STK31: variants seen among roughly 807,000 people sequenced by gnomAD.
The protein encoded by STK31 is serine/threonine kinase 31.
A neutral mutation model predicts 129.7 loss-of-function variants in STK31; 89 were observed. The observed-to-expected ratio is 0.69, with a 90% CI of 0.58 to 0.82. The LOEUF is 0.82. STK31 is among the 40% of genes least tolerant of loss of function. The pLI, the probability that STK31 is intolerant of heterozygous loss-of-function variation, is 0.00. For synonymous variants in STK31, 448 were observed against 395.3 expected (o/e 1.13, Z -1.58); for missense variants, 1,187 against 1,176.4 (o/e 1.01, Z -0.13).
chr7:23,724,564 CTG>C (rs1222137000), intron 4 of STK31, among the ~76,000 whole-genome samples: 1 of 152,212 alleles, frequency 6.6e-6, no homozygotes, highest in Non-Finnish European at 1.5e-5. Flanking sequence ...CATTGCATAT[CTG>C]TCGCTTACCT....
chr7:23,724,984 C>T (rs1384688147), intron 4 of STK31, among the ~76,000 whole-genome samples: 2 of 152,268 alleles, frequency 1.3e-5, no homozygotes, highest in Non-Finnish European at 2.9e-5. Flanking sequence ...TAACTTAAAG[C>T]AGTATTCTTC....
At chr7:23,789,701 T>A (rs1791501999) in intron 21 of STK31, among the ~76,000 whole-genome samples, 1 of 152,120 alleles carries the variant, frequency 6.6e-6, no homozygotes, top group African/African-American at 2.4e-5. Context: ...ATAACTAAAT[T>A]ATGAATTTTG....
At chr7:23,786,708 G>A in intron 19 of STK31, 75 bp downstream of exon 19, 8 of 1,563,028 alleles carry the variant, frequency 5.1e-6, no homozygotes, top group Non-Finnish European at 6.9e-6. Flanking sequence ...ATAAATTTTA[G>A]CTCCAGGTTT....
chr7:23,710,179 T>TGGCGCAGCGCTGTGCACGCA, upstream of STK31: 2 of 1,580,760 alleles, frequency 1.3e-6, no homozygotes, highest in Non-Finnish European at 1.7e-6. Context: ...CACCGGATGA[T>TGGCGCAGCGCTGTGCACGCA]GGCGCAGCGC....
intron 8 of STK31, among the ~76,000 whole-genome samples, chr7:23,742,557 T>C (rs1183943628): frequency 6.6e-6 from 1 of 152,212 alleles, no homozygotes; most frequent in East Asian, 1.9e-4. Context: ...CCCTAGTGGA[T>C]CGAGGGTTTC....
At chr7:23,801,071 C>T (rs1481856419) in intron 22 of STK31, among the ~76,000 whole-genome samples, 1 of 152,034 alleles carries the variant, frequency 6.6e-6, no homozygotes, top group Non-Finnish European at 1.5e-5. Flanking sequence ...TGGTAATTAC[C>T]CAGGAGTGAA....
chr7:23,722,656 T>G (rs1786790107), intron 4 of STK31: 1 of 152,368 alleles, frequency 6.6e-6, no homozygotes, highest in South Asian at 2.1e-4. Flanking sequence ...TTCTGCTGCC[T>G]TTTGTTCAGC....
upstream of STK31, chr7:23,710,118 G>A (rs1244236797): frequency 9.9e-6 from 12 of 1,212,100 alleles, no homozygotes; most frequent in African/African-American, 6.0e-5. Flanking sequence ...GGCGGCTCCC[G>A]CACGCTTCTT....
chr7:23,733,680 G>A (rs911131337), intron 6 of STK31, among the ~76,000 whole-genome samples: 1 of 151,958 alleles, frequency 6.6e-6, no homozygotes, highest in African/African-American at 2.4e-5. Flanking sequence ...ATGGTGGTGG[G>A]TGCCTGTAGT....
chr7:23,758,557 A>G (rs1789255376), intron 10 of STK31, among the ~76,000 whole-genome samples: 2 of 151,132 alleles, frequency 1.3e-5, no homozygotes, highest in Admixed American at 1.3e-4. Flanking sequence ...TTTAATTGTG[A>G]TGTTAAGGTG....
At chr7:23,754,284 ATCT>A (rs752207253) in intron 9 of STK31, 28 bp from the exon 10 acceptor site, 11 of 1,595,526 alleles carry the variant, frequency 6.9e-6, no homozygotes, top group South Asian at 5.8e-5. Context: ...TAATTTATTG[ATCT>A]TCTTCTTTTT....
intron 15 of STK31, among the ~76,000 whole-genome samples, chr7:23,777,373 A>T: frequency 6.6e-6 from 1 of 152,170 alleles, no homozygotes; most frequent in East Asian, 1.9e-4. Context: ...AGTCCTGAAT[A>T]TCCTTGTTAA....
chr7:23,818,283 A>G (rs1293424018), intron 23 of STK31, among the ~76,000 whole-genome samples: 2 of 152,278 alleles, frequency 1.3e-5, no homozygotes, highest in East Asian at 3.9e-4. Flanking sequence ...GGCTGATTGC[A>G]TCCTTATGGT....
intron 21 of STK31, 65 bp from the exon 22 acceptor site, chr7:23,790,759 A>G: frequency 7.3e-7 from 1 of 1,365,750 alleles, no homozygotes; most frequent in South Asian, 2.0e-5. Flanking sequence ...TTAAATGCAG[A>G]GTACTTCACA....
At chr7:23,777,133 TCA>T (rs1207846683) in intron 15 of STK31, among the ~76,000 whole-genome samples, 1 of 152,124 alleles carries the variant, frequency 6.6e-6, no homozygotes, top group African/African-American at 2.4e-5. Context: ...TGTGTGGTTT[TCA>T]GAGAGTTTCT....
intron 17 of STK31, 89 bp downstream of exon 17, chr7:23,783,752 T>A: frequency 9.5e-7 from 1 of 1,057,362 alleles, no homozygotes; most frequent in Non-Finnish European, 1.4e-6. Flanking sequence ...AAACTTATAG[T>A]ATCTTTTAAA....
At chr7:23,710,581 T>C (rs952324820) in intron 1 of STK31, 1 of 1,363,580 alleles carries the variant, frequency 7.3e-7, no homozygotes, top group Non-Finnish European at 9.5e-7. Flanking sequence ...TCACGCAGCC[T>C]CCACACTCTC....
At chr7:23,712,850 G>A (rs903690539) in intron 3 of STK31, among the ~76,000 whole-genome samples, 3 of 152,158 alleles carry the variant, frequency 2.0e-5, no homozygotes, top group African/African-American at 7.2e-5. Context: ...AAATTCCTCT[G>A]ATGCACAGAA....
At chr7:23,781,863 A>G (rs932739100) in intron 16 of STK31, among the ~76,000 whole-genome samples, 25 of 152,192 alleles carry the variant, frequency 1.6e-4, no homozygotes, top group African/African-American at 5.8e-4. Context: ...TAGCACAGAC[A>G]CACTTTTGCA....
Sources: allele counts gnomAD v4.1 joint callset (sites outside exome capture counted in the v4.1 genomes callset), GRCh38; gene constraint gnomAD v4.1.1; transcripts MANE v1.5; gene names NCBI Gene and HGNC (gene_info 2026-07-23, HGNC 2026-07-21).